The following TMEM71 variants were observed in gnomAD, a reference collection of about 807,000 sequenced individuals.
The protein encoded by TMEM71 is transmembrane protein 71.
Under a neutral mutation model 38.0 loss-of-function variants are expected in TMEM71, and 44 were observed. That is an observed-to-expected ratio of 1.16 (90% CI 0.91 to 1.49). TMEM71 has a LOEUF of 1.49. Ranked by LOEUF, TMEM71 falls within the 40% of genes most tolerant of loss-of-function variation. TMEM71 has a pLI of 0.00. For missense variants in TMEM71, 367 were observed against 348.6 expected, an observed-to-expected ratio of 1.05 and a Z score of -0.42; for synonymous variants, 133 against 122.5, an observed-to-expected ratio of 1.09 and a Z score of -0.56.
chr8:132,715,250 C>T (rs1175885676), intron 7 of TMEM71, among the ~76,000 whole-genome samples: 2 of 142,734 alleles, frequency 1.4e-5, no homozygotes, highest in African/African-American at 2.6e-5. Context: ...ACTAAAAATG[C>T]AAAAAAAAAA....
chr8:132,747,072 A>G lies in TMEM71; in HGVS notation c.357T>C (p.Ser119=), dbSNP rs74775484. The G allele has an allele frequency of 0.096, 154,731 of 1,611,720 alleles. 8,509 individuals carry two copies. Among genetic ancestry groups the G allele is most frequent in the Middle Eastern group, 0.14 (857 of 6,050 alleles). The part of the protein sequence containing the change: ...KKKRICHSFS[S]LFNLSTSKSW... ...ATTTGGAGGTACTGAGGTTGAAGAG[A>G]GAAGAAAAGGAATGGCAGATTCTCT... Residue 119 remains serine (S), a synonymous_variant, in exon 5 of 10, where the codon TCT becomes TCC. Transcript: ENST00000677595.
At chr8:132,721,535 T>A (rs1826844854) in intron 7 of TMEM71, among the ~76,000 whole-genome samples, 1 of 151,862 alleles carries the variant, frequency 6.6e-6, no homozygotes, top group African/African-American at 2.4e-5. Flanking sequence ...GTGGTTTTCT[T>A]TTTCTTTTTT....
At chr8:132,719,406 G>A (rs1476883268) in intron 7 of TMEM71, among the ~76,000 whole-genome samples, 2 of 152,154 alleles carry the variant, frequency 1.3e-5, no homozygotes, top group Non-Finnish European at 2.9e-5. Context: ...AAAATATTGT[G>A]TAAAGTTACC....
chr8:132,716,374 G>T (rs1826534062), intron 7 of TMEM71, among the ~76,000 whole-genome samples: 1 of 152,164 alleles, frequency 6.6e-6, no homozygotes, highest in Non-Finnish European at 1.5e-5. Context: ...CAGAGTCATG[G>T]CAGTGAAGAG....
rs73360978 is a variant in TMEM71 at position 132,732,975 on chromosome 8, G to T, written c.488-4989C>A. Among the ~76,000 whole-genome samples, 766 of 152,282 alleles carry T rather than the reference G, an allele frequency of 5.0e-3. 3 individuals are homozygous for T. Among genetic ancestry groups the T allele is most frequent in the African/African-American group, 0.017 (722 of 41,566 alleles). On this transcript the variant is annotated intron_variant, in intron 5 of 9. Transcript: ENST00000677595. ...CTGACCTAACCGTCTAAGGCAACTG[G>T]ATCATTAGAGTCCTTTCGACAACTC...
chr8:132,738,205 T>G (rs1827850691), intron 5 of TMEM71, among the ~76,000 whole-genome samples: 1 of 152,232 alleles, frequency 6.6e-6, no homozygotes, highest in Non-Finnish European at 1.5e-5. Flanking sequence ...AGTTAATAAC[T>G]TGCCCAAGAA....
chr8:132,766,905 A>C, the TMEM71 span, among the ~76,000 whole-genome samples: 13 of 152,172 alleles, frequency 8.5e-5, no homozygotes, highest in Non-Finnish European at 5.9e-5. Flanking sequence ...TAATCTCTAC[A>C]TCAATGTGGT....
intron 5 of TMEM71, among the ~76,000 whole-genome samples, chr8:132,739,576 G>T (rs2131118654): frequency 6.6e-6 from 1 of 152,230 alleles, no homozygotes; most frequent in East Asian, 1.9e-4. Flanking sequence ...CTCCCAAAGT[G>T]CTGGGATTAC....
intron 7 of TMEM71, among the ~76,000 whole-genome samples, chr8:132,720,850 G>C (rs1489822385): frequency 6.6e-6 from 1 of 152,154 alleles, no homozygotes. Context: ...AATAAATATT[G>C]AAGAACCCCT....
In TMEM71 at chr8:132,747,012, G is replaced by T; in HGVS notation, c.417C>A (p.Asn139Lys). The T allele has an allele frequency of 1.2e-6, 2 of 1,613,884 alleles. No homozygotes were observed. Among genetic ancestry groups the T allele is most frequent in the Non-Finnish European group, 1.7e-6 (2 of 1,179,908 alleles). The change falls in exon 5 of 10, where the codon AAC becomes AAA. Residue 139 changes from asparagine to lysine, a missense_variant. Physicochemically the swap from Asn to Lys is moderately conservative, Grantham distance 94. Transcript: ENST00000677595. ...WLHGSIFGDI[N>K]SSPSEDNWLK... ...ACCAGTTGTCTTCACTTGGAGAAGA[G>T]TTGATGTCACCAAAGATACTTCCAT... is the stretch of plus-strand genomic sequence containing the variant.
upstream of TMEM71, among the ~76,000 whole-genome samples, chr8:132,763,043 T>C (rs544023863): frequency 6.6e-6 from 1 of 152,324 alleles, no homozygotes. Flanking sequence ...TCTCATACAC[T>C]AGACACGGGT....
At chr8:132,748,578 C>A (rs1202107429) in intron 4 of TMEM71, among the ~76,000 whole-genome samples, 1 of 152,182 alleles carries the variant, frequency 6.6e-6, no homozygotes, top group African/African-American at 2.4e-5. Flanking sequence ...GGAACACATT[C>A]TTGTGAAAAT....
intron 5 of TMEM71, among the ~76,000 whole-genome samples, chr8:132,738,819 A>G (rs1307618850): frequency 4.6e-5 from 7 of 151,806 alleles, no homozygotes; most frequent in Non-Finnish European, 8.8e-5. Flanking sequence ...TCATTTAACA[A>G]GCACTTATTG....
intron 5 of TMEM71, among the ~76,000 whole-genome samples, chr8:132,730,256 C>A (rs1161813148): frequency 2.6e-5 from 4 of 152,096 alleles, no homozygotes; most frequent in African/African-American, 7.2e-5. Flanking sequence ...CCATGCCTGG[C>A]CTTGAGTTAA....
rs1223556712 is a variant in TMEM71 at position 132,710,909 on chromosome 8, G to A, written c.*58C>T. On this transcript the variant is annotated 3_prime_UTR_variant, in exon 10 of 10. Coordinates refer to ENST00000677595, the MANE Select transcript of TMEM71 (RefSeq NM_001382403.1). ...CTTGATTCCAAGTAGACTGCAAGTTGGACAATTTCCAGATATTCAGATGGA... is the reference window on the plus strand; with the variant it reads ...CTTGATTCCAAGTAGACTGCAAGTTAGACAATTTCCAGATATTCAGATGGA... 1.3e-6 allele frequency: 2 copies of A among 1,543,394 alleles called. No homozygotes were observed. The highest frequency in any genetic ancestry group is 3.4e-5 in the Admixed American group (2 of 59,276).
At chr8:132,722,834 C>A (rs1826930259) in intron 6 of TMEM71, among the ~76,000 whole-genome samples, 1 of 152,186 alleles carries the variant, frequency 6.6e-6, no homozygotes, top group South Asian at 2.1e-4. Flanking sequence ...GTAGAAACTA[C>A]AAATTATCCA....
intron 2 of TMEM71, chr8:132,758,016 A>ACACTTCTACTGTAAAT (rs1829129616): frequency 6.6e-6 from 1 of 151,982 alleles, no homozygotes; most frequent in Non-Finnish European, 1.5e-5. Context: ...ATTGTTCTAG[A>ACACTTCTACTGTAAAT]CTCTCCCTCA....
intron 5 of TMEM71, among the ~76,000 whole-genome samples, chr8:132,734,648 A>T (rs946754178): frequency 2.0e-5 from 3 of 152,242 alleles, no homozygotes; most frequent in Admixed American, 1.3e-4. Context: ...AAGTCTTAAC[A>T]TTCAAAAACG....
rs146754243 is a variant in TMEM71, at chr8:132,735,973, C to T, written c.488-7987G>A. 1.9e-3 allele frequency among the ~76,000 whole-genome samples: 285 copies of T among 152,230 alleles called. 1 individual carries two copies. The highest frequency in any genetic ancestry group is 0.014 in the South Asian group (68 of 4,822). ...ATGGAAAATGTAACCTTATTTAATA[C>T]GTGTGAAATACTGGTGTAGCAGAAA... On this transcript the variant is annotated intron_variant, in intron 5 of 9. Coordinates refer to ENST00000677595, the MANE Select transcript of TMEM71 (RefSeq NM_001382403.1).
Sources: gnomAD v4.1 joint callset for allele counts (sites outside exome capture counted in the v4.1 genomes callset) on GRCh38, gnomAD v4.1.1 for gene constraint, MANE v1.5 for transcripts, NCBI Gene and HGNC (gene_info 2026-07-23, HGNC 2026-07-21) for gene names.